UTRN: variants seen among roughly 807,000 people sequenced by gnomAD.
UTRN encodes the protein dystrophin-related protein 1.
UTRN carries 283 observed loss-of-function variants against 463.9 expected under a neutral mutation model. That is an observed-to-expected ratio of 0.61 (90% CI 0.55 to 0.67). UTRN has a LOEUF of 0.67. Ranked by LOEUF, UTRN falls within the 30% of genes least tolerant of loss-of-function variation. The probability of loss-of-function intolerance (pLI) is 0.00; values close to 1 mark genes in which losing one functional copy is unlikely to be tolerated. For missense variants in UTRN, 3,922 were observed against 4,084.3 expected (o/e 0.96, Z 1.08); for synonymous variants, 1,442 against 1,431.5 (o/e 1.01, Z -0.17).
chr6:144,313,646 G>C (rs932282315), intron 2 of UTRN, among the ~76,000 whole-genome samples: 1 of 152,226 alleles, frequency 6.6e-6, no homozygotes, highest in African/African-American at 2.4e-5. Flanking sequence ...GCAAACAGTA[G>C]TGTGGTCCAC....
At chr6:144,738,125 G>T (rs199619263) in intron 54 of UTRN, among the ~76,000 whole-genome samples, 2 of 152,150 alleles carry the variant, frequency 1.3e-5, no homozygotes, top group East Asian at 3.9e-4. Context: ...GATTTTGGCT[G>T]GCTTTTGACT....
intron 19 of UTRN, among the ~76,000 whole-genome samples, chr6:144,456,574 A>C (rs992702277): frequency 6.6e-6 from 1 of 151,436 alleles, no homozygotes; most frequent in African/African-American, 2.4e-5. Context: ...AATCGCTTGA[A>C]CCAGGGAGTC....
intron 2 of UTRN, among the ~76,000 whole-genome samples, chr6:144,400,050 T>TTCA (rs1485236370): frequency 7.2e-5 from 11 of 152,286 alleles, no homozygotes; most frequent in African/African-American, 2.6e-4. Flanking sequence ...CAGTCTCGTG[T>TTCA]TCATCCCTCT....
chr6:144,539,008 G>A (rs1016026093), intron 44 of UTRN, among the ~76,000 whole-genome samples: 5 of 152,160 alleles, frequency 3.3e-5, no homozygotes, highest in Non-Finnish European at 7.3e-5. Context: ...AGAACAGAAT[G>A]TTAAATTAGC....
chr6:144,343,251 A>T (rs1584358604), intron 2 of UTRN, among the ~76,000 whole-genome samples: 1 of 152,302 alleles, frequency 6.6e-6, no homozygotes, highest in South Asian at 2.1e-4. Context: ...AGATGTGATC[A>T]TATGAATAAT....
intron 51 of UTRN, among the ~76,000 whole-genome samples, chr6:144,641,423 T>TA (rs1777755456): frequency 6.6e-6 from 1 of 152,194 alleles, no homozygotes; most frequent in African/African-American, 2.4e-5. Context: ...AGCCTCCAAG[T>TA]AGCAGGCTTC....
chr6:144,425,502 A>G (rs1785218073), intron 6 of UTRN, among the ~76,000 whole-genome samples: 2 of 152,300 alleles, frequency 1.3e-5, no homozygotes, highest in Middle Eastern at 6.8e-3. Context: ...TGGACCAGCT[A>G]TTATTATGAT....
chr6:144,754,932 C>A, intron 57 of UTRN, 134 bp downstream of exon 57: 1 of 759,740 alleles, frequency 1.3e-6, no homozygotes, highest in South Asian at 2.1e-5. Context: ...GTACTAACAT[C>A]AAAGAAAATA....
At chr6:144,555,017 A>C in intron 49 of UTRN, 124 bp downstream of exon 49, 2 of 1,159,566 alleles carry the variant, frequency 1.7e-6, no homozygotes, top group Admixed American at 5.7e-5. Context: ...AGAGTGTCTA[A>C]TGAAATTTAT....
intron 53 of UTRN, among the ~76,000 whole-genome samples, chr6:144,711,316 A>AAAAC (rs142978330): frequency 3.3e-5 from 5 of 149,260 alleles, no homozygotes; most frequent in Non-Finnish European, 7.4e-5. Context: ...CTCCCGTCTC[A>AAAAC]AAACAAACAA....
Position 144,531,164 on chromosome 6 carries a change from G to A in UTRN, c.6019G>A (p.Gly2007Ser). Residue 2007 changes from glycine (G) to serine (S), a missense_variant, in exon 42 of 75, where the codon GGC (glycine) becomes AGC (serine). By Grantham distance (56) the Gly-to-Ser change is moderately conservative (BLOSUM62 0). Transcript: ENST00000367545. ...ACTGGTTGATACCTGTGCTCCAGGT[G>A]GCAGCCTGGACTTAGAGAAAGCCAG... Reference protein sequence around the residue: ...ELLVDTCAPGGSLDLEKARIH... With the variant: ...ELLVDTCAPGSSLDLEKARIH... 6.2e-7 allele frequency: 1 copy of A among 1,613,944 alleles called. No individual in the cohort carries two copies. The highest frequency in any genetic ancestry group is 1.1e-5 in the South Asian group (1 of 91,058).
chr6:144,494,590 A>T (rs1315221544), intron 33 of UTRN, among the ~76,000 whole-genome samples: 4 of 152,178 alleles, frequency 2.6e-5, no homozygotes, highest in Non-Finnish European at 1.5e-5. Context: ...CCCTACCCAC[A>T]TCCTGCTGAT....
chr6:144,376,043 G>A (rs1780427486), intron 2 of UTRN, among the ~76,000 whole-genome samples: 1 of 152,078 alleles, frequency 6.6e-6, no homozygotes, highest in Admixed American at 6.6e-5. Flanking sequence ...GCTGAATGCA[G>A]TGGCACGATC....
intron 43 of UTRN, among the ~76,000 whole-genome samples, chr6:144,534,996 T>C (rs1797400886): frequency 1.3e-5 from 2 of 152,104 alleles, no homozygotes; most frequent in Admixed American, 6.5e-5. Flanking sequence ...AGGGGAAGGA[T>C]TGGAAAATGA....
intron 23 of UTRN, among the ~76,000 whole-genome samples, chr6:144,463,825 G>T (rs565788058): frequency 6.6e-6 from 1 of 150,922 alleles, no homozygotes; most frequent in African/African-American, 2.4e-5. Flanking sequence ...TATATATATA[G>T]ATAGATAGAT....
chr6:144,575,363 CCTCT>C (rs1554294204), intron 50 of UTRN, among the ~76,000 whole-genome samples: 4 of 152,184 alleles, frequency 2.6e-5, no homozygotes, highest in Non-Finnish European at 2.9e-5. Context: ...GACATTTCTC[CCTCT>C]ATGTATATAT....
chr6:144,364,318 G>A (rs948118584), intron 2 of UTRN, among the ~76,000 whole-genome samples: 1 of 152,166 alleles, frequency 6.6e-6, no homozygotes, highest in African/African-American at 2.4e-5. Context: ...AATTGCCTCT[G>A]ATTGGGACCT....
chr6:144,822,987 C>A (rs62427253), intron 66 of UTRN, among the ~76,000 whole-genome samples: 16,612 of 152,092 alleles, frequency 0.11, 1,624 homozygotes, highest in Admixed American at 0.32. Flanking sequence ...TCCTTTAAAA[C>A]ATTTTTAATT....
At chr6:144,759,267 C>T (rs751623689) in intron 58 of UTRN, among the ~76,000 whole-genome samples, 4 of 151,988 alleles carry the variant, frequency 2.6e-5, no homozygotes, top group Non-Finnish European at 4.4e-5. Flanking sequence ...GGAAAGAGGT[C>T]AGACGCTGGT....
Sources: allele counts gnomAD v4.1 joint callset (sites outside exome capture counted in the v4.1 genomes callset), GRCh38; gene constraint gnomAD v4.1.1; transcripts MANE v1.5; gene names NCBI Gene and HGNC (gene_info 2026-07-23, HGNC 2026-07-21).